PIEZO2: variants seen among roughly 807,000 people sequenced by gnomAD.
PIEZO2 encodes piezo-type mechanosensitive ion channel component 2.
Under a neutral mutation model 337.3 loss-of-function variants are expected in PIEZO2, and 172 were observed. That is an observed-to-expected ratio of 0.51 (90% confidence interval 0.45 to 0.58). The LOEUF (loss-of-function observed/expected upper bound fraction) is 0.58, where lower values mean the gene tolerates loss of function less well. PIEZO2 is among the 20% of genes least tolerant of loss of function. The probability of loss-of-function intolerance (pLI) is 0.00; values close to 1 mark genes in which losing one functional copy is unlikely to be tolerated. For missense variants in PIEZO2, 3,028 were observed against 3,391.3 expected (o/e 0.89, Z 2.66); for synonymous variants, 1,251 against 1,228.5 (o/e 1.02, Z -0.38).
Position 10,736,634 on chromosome 18 carries a change from A to C in PIEZO2, c.4785T>G (p.Asp1595Glu), listed in dbSNP as rs1356802942. ...EEEEEELKKE[D>E]EEPPRRSAFQ... is the part of the protein sequence containing the mutation. ...ATGCTGACCTTCGTGGAGGTTCTTC[A>C]TCTTCCTTCTTTAATTCTTCCTCTT... is the stretch of plus-strand genomic sequence containing the variant. The change falls in exon 34 of 56, where the codon GAT becomes GAG. Residue 1595 changes from aspartate (D) to glutamate (E), a missense_variant. Physicochemically the swap from Asp to Glu is conservative, Grantham distance 45. Transcript: ENST00000674853. 6.5e-7 allele frequency: 1 copy of C among 1,537,146 alleles called. No individual in the cohort carries two copies.
rs534865727 is a variant in PIEZO2, at chr18:10,671,478, T to A, written c.*49A>T. On this transcript the variant is annotated 3_prime_UTR_variant, in exon 56 of 56. Coordinates refer to ENST00000674853, the MANE Select transcript of PIEZO2 (RefSeq NM_001378183.1). ...AGCTCTTATGAGAATATTGTGCTTT[T>A]AAAAAAAATTCAAATGTTAACATTA... The A allele has an allele frequency of 1.2e-5, 18 of 1,555,584 alleles. No homozygotes were observed. Among genetic ancestry groups the A allele is most frequent in the South Asian group, 4.8e-5 (4 of 82,812 alleles).
At chr18:10,675,128 G>A in intron 54 of PIEZO2, 81 bp downstream of exon 54, 2 of 979,914 alleles carry the variant, frequency 2.0e-6, no homozygotes, top group South Asian at 3.1e-5. Context: ...GTGGTTTCAT[G>A]AAGGTCCAAA....
At chr18:10,760,719 G>A (rs994359738) in intron 24 of PIEZO2, among the ~76,000 whole-genome samples, 192 bp downstream of exon 24, 1 of 152,212 alleles carries the variant, frequency 6.6e-6, no homozygotes, top group African/African-American at 2.4e-5. Flanking sequence ...GGAGGGGGGT[G>A]TTCAGCACCC....
At position 10,726,461 on chromosome 18, in the gene PIEZO2, G is replaced by A. The variant is rs1199218345; in HGVS notation, c.5029+4946C>T. On this transcript the variant is annotated intron_variant, in intron 36 of 55. Transcript: ENST00000674853. The surrounding 1 kb of genome is among the most constrained non-coding windows in gnomAD (Gnocchi z 5.9). ...ACGGGCTACGGCCGGCGAACCCCAC[G>A]AGGAGGGCCTGGCCACCCTGCACAG... is the stretch of plus-strand genomic sequence containing the variant. 21 of 1,528,764 alleles carry A rather than the reference G, an allele frequency of 1.4e-5. No individual in the cohort carries two copies. The highest frequency in any genetic ancestry group is 2.8e-5 in the African/African-American group (2 of 72,682). The allele number at this position is 1,528,764 out of a possible 1,614,324, so 94.7% of individuals were successfully genotyped here.
intron 7 of PIEZO2, among the ~76,000 whole-genome samples, chr18:10,840,180 A>C (rs2041147676): frequency 6.6e-6 from 1 of 152,268 alleles, no homozygotes; most frequent in Non-Finnish European, 1.5e-5. Context: ...AACGTAGCTC[A>C]AAGTGAGTTT....
chr18:10,919,873 A>T (rs1276974888), intron 3 of PIEZO2, among the ~76,000 whole-genome samples: 2 of 152,154 alleles, frequency 1.3e-5, no homozygotes, highest in East Asian at 3.8e-4. Context: ...ACACACACAG[A>T]GTAAGTTGAG....
chr18:10,944,457 T>C (rs949780130), intron 3 of PIEZO2, among the ~76,000 whole-genome samples: 18 of 148,070 alleles, frequency 1.2e-4, no homozygotes, highest in African/African-American at 4.4e-4. Context: ...TATATATATA[T>C]CTCAGTGACA....
chr18:10,850,195 C>T lies in PIEZO2; in HGVS notation c.917+5158G>A. On this transcript the variant is annotated intron_variant, in intron 7 of 55. Coordinates refer to ENST00000674853, the MANE Select transcript of PIEZO2 (RefSeq NM_001378183.1). The surrounding 1 kb of genome is among the most constrained non-coding windows in gnomAD (Gnocchi z 4.5). ...CTCCTGGATAAAAGTAATGCAAAAA[C>T]TCAACCACATGTGCAGATGAAACTG... 6.6e-6 allele frequency among the ~76,000 whole-genome samples: 1 copy of T among 152,160 alleles called. No homozygotes were observed.
chr18:11,009,448 GA>G lies in PIEZO2; in HGVS notation c.161-29789del, dbSNP rs2145647567. On this transcript the variant is annotated intron_variant, in intron 2 of 55. Coordinates refer to ENST00000674853, the MANE Select transcript of PIEZO2 (RefSeq NM_001378183.1). The surrounding 1 kb of genome is among the most constrained non-coding windows in gnomAD (Gnocchi z 4.6). ...CAGGGCTGAGAACCACTGTGCTGGA[GA>G]TTCAGCTGAAGGGAGGTTGAGCCCA... Among the ~76,000 whole-genome samples the G allele has an allele frequency of 6.6e-6, 1 of 152,310 alleles. No homozygotes were observed. Among genetic ancestry groups the G allele is most frequent in the South Asian group, 2.1e-4 (1 of 4,822 alleles).
intron 39 of PIEZO2, among the ~76,000 whole-genome samples, chr18:10,710,348 C>T (rs2035767971): frequency 6.6e-6 from 1 of 152,164 alleles, no homozygotes; most frequent in East Asian, 1.9e-4. Flanking sequence ...CGACAGTAGG[C>T]CCAAGGGGAC....
At chr18:10,937,694 A>G (rs1256608302) in intron 3 of PIEZO2, among the ~76,000 whole-genome samples, 1 of 152,030 alleles carries the variant, frequency 6.6e-6, no homozygotes, top group African/African-American at 2.4e-5. Flanking sequence ...TTGTCTCCCA[A>G]ATTTTGGGAA....
At position 10,954,986 on chromosome 18, in the gene PIEZO2, A is replaced by G. The variant is rs2033454539; in HGVS notation, c.286+24549T>C. On this transcript the variant is annotated intron_variant, in intron 3 of 55. Coordinates refer to ENST00000674853, the MANE Select transcript of PIEZO2 (RefSeq NM_001378183.1). The surrounding 1 kb of genome is among the most constrained non-coding windows in gnomAD (Gnocchi z 4.2). ...TGCCAGTCAATACATAGAAGGAAAC[A>G]AAGGGAATAGGGAAAAGGAGGAGGA... Among the ~76,000 whole-genome samples, 1 of 152,206 alleles carries G rather than the reference A, an allele frequency of 6.6e-6. No homozygotes were observed.
In PIEZO2 at chr18:10,672,563, T is replaced by G; in HGVS notation, c.8345+127A>C. 1.0e-6 allele frequency: 1 copy of G among 1,000,974 alleles called. No individual in the cohort carries two copies. Among genetic ancestry groups the G allele is most frequent in the Non-Finnish European group, 1.5e-6 (1 of 678,308 alleles). 62.0% of individuals were successfully genotyped at this position (1,000,974 alleles called of 1,614,324 possible). A position where few individuals can be genotyped will look rare whatever the true frequency, so the allele number is the denominator to read the frequency against. ...TTTTGAAATAAAATGCACACAAGGA[T>G]GTGTGCATTTTAATACTGCAGCTCT... On this transcript the variant is annotated intron_variant, in intron 55 of 55. Transcript: ENST00000674853. The surrounding 1 kb of genome is among the most constrained non-coding windows in gnomAD (Gnocchi z 4.7).
Position 10,750,287 on chromosome 18 carries a change from T to A in PIEZO2, c.4168-100A>T. ...TGTGCAAGAATTCACAAGGTCTCAG[T>A]GATAAGGATTCCAGGAGATGCCAAT... On this transcript the variant is annotated intron_variant, in intron 28 of 55. Transcript: ENST00000674853. This position sits in a 1 kb window ranked among gnomAD's most constrained non-coding sequence, Gnocchi z 4.1. The A allele has an allele frequency of 2.4e-6, 2 of 841,558 alleles. No homozygotes were observed. Among genetic ancestry groups the A allele is most frequent in the Non-Finnish European group, 3.8e-6 (2 of 521,544 alleles). The allele number at this position is 841,558 out of a possible 1,614,324, so 52.1% of individuals were successfully genotyped here.
At chr18:11,062,208 G>A (rs2145901684) in intron 2 of PIEZO2, among the ~76,000 whole-genome samples, 1 of 152,000 alleles carries the variant, frequency 6.6e-6, no homozygotes, top group Admixed American at 6.6e-5. Context: ...CTAGCCATAT[G>A]TAGAAAGCTG....
intron 35 of PIEZO2, among the ~76,000 whole-genome samples, chr18:10,733,143 C>A (rs533935134): frequency 6.6e-6 from 1 of 152,030 alleles, no homozygotes; most frequent in African/African-American, 2.4e-5. Context: ...GTGCCATTAA[C>A]ATTTTGGTTT....
chr18:10,965,665 G>A (rs1170759285), intron 3 of PIEZO2, among the ~76,000 whole-genome samples: 2 of 152,112 alleles, frequency 1.3e-5, no homozygotes, highest in African/African-American at 4.8e-5. Context: ...TTATCCTAAG[G>A]AAATAAACAA....
chr18:11,138,032 T>C (rs2040540274), intron 1 of PIEZO2, among the ~76,000 whole-genome samples: 1 of 152,078 alleles, frequency 6.6e-6, no homozygotes, highest in Admixed American at 6.5e-5. Context: ...AGAGTATATA[T>C]TAGGCTGTTA....
chr18:10,857,006 G>A lies in PIEZO2; in HGVS notation c.698C>T (p.Ser233Phe). ...CCAGTGTGGGAGACACTCACCCGAG[G>A]AGCCCAGTAAGATGGTAACAACGAC... The part of the protein sequence containing the change: ...GKVVVTILLG[S>F]SGMMLPSLTS... Residue 233 changes from serine to phenylalanine, a missense_variant, in exon 6 of 56, where the codon TCC becomes TTC. Around this residue, in one of 5 missense-constraint regions of PIEZO2, gnomAD observed 542 missense variants for 605.6 expected, o/e 0.89. Coordinates refer to ENST00000674853, the MANE Select transcript of PIEZO2 (RefSeq NM_001378183.1). The A allele has an allele frequency of 6.5e-7, 1 of 1,537,228 alleles. No individual in the cohort carries two copies. Among genetic ancestry groups the A allele is most frequent in the Non-Finnish European group, 8.7e-7 (1 of 1,146,902 alleles).
Sources: gnomAD v4.1 joint callset for allele counts (sites outside exome capture counted in the v4.1 genomes callset) on GRCh38, gnomAD v4.1.1 for gene constraint, gnomAD v4.1.1 regional missense constraint, Gnocchi (gnomAD v3.1) non-coding constraint, MANE v1.5 for transcripts, NCBI Gene and HGNC (gene_info 2026-07-23, HGNC 2026-07-21) for gene names.